Variants in NTF3 observed in about 807,000 individuals in gnomAD.
The protein encoded by NTF3 is neurotrophin 3, also known as neurotrophin-3.
Under a neutral mutation model 26.3 loss-of-function variants are expected in NTF3, and 8 were observed. That is an observed-to-expected ratio of 0.30 (90% CI 0.18 to 0.55). The LOEUF (loss-of-function observed/expected upper bound fraction) is 0.55. NTF3 is among the 20% of genes least tolerant of loss of function. The pLI, the probability that NTF3 is intolerant of heterozygous loss-of-function variation, is 0.93. For synonymous variants in NTF3, 154 were observed against 145.5 expected (o/e 1.06, Z -0.42); for missense variants, 276 against 352.9 (o/e 0.78, Z 1.75).
At position 5,494,403 on chromosome 12, in the gene NTF3, G is replaced by C. The variant is rs1475166969; in HGVS notation, c.228G>C (p.Leu76=). The C allele has an allele frequency of 1.2e-6, 2 of 1,613,728 alleles. No individual in the cohort carries two copies. Among genetic ancestry groups the C allele is most frequent in the Middle Eastern group, 1.6e-4 (1 of 6,062 alleles). The stretch of plus-strand genomic sequence containing the variant: ...TTAAGGAAAATTACCAGAGCACCCT[G>C]CCCAAAGCTGAGGCTCCCCGAGAGC... ...VDVKENYQST[L]PKAEAPREPE... Residue 76 remains leucine (L), a synonymous_variant, in exon 2 of 2, where the codon CTG becomes CTC. Transcript: ENST00000423158. The surrounding 1 kb of genome is among the most constrained non-coding windows in gnomAD (Gnocchi z 8.3).
intron 1 of NTF3, among the ~76,000 whole-genome samples, chr12:5,479,568 G>A (rs550574285): frequency 1.5e-4 from 23 of 152,292 alleles, no homozygotes; most frequent in African/African-American, 2.9e-4. Context: ...ATCAGGAGTC[G>A]GGAAGCAGGG....
At chr12:5,447,534 A>G (rs751893389) in intron 1 of NTF3, among the ~76,000 whole-genome samples, 1 of 152,204 alleles carries the variant, frequency 6.6e-6, no homozygotes, top group Non-Finnish European at 1.5e-5. Context: ...TCTGTCAATC[A>G]CTGTACGCAC....
At chr12:5,446,892 C>T (rs549213845) in intron 1 of NTF3, among the ~76,000 whole-genome samples, 13 of 152,322 alleles carry the variant, frequency 8.5e-5, no homozygotes, top group Non-Finnish European at 1.3e-4. Context: ...GAATGAGCCA[C>T]GCCGACCTGA....
chr12:5,480,944 C>A (rs1267477399), intron 1 of NTF3, among the ~76,000 whole-genome samples: 1 of 152,098 alleles, frequency 6.6e-6, no homozygotes, highest in Non-Finnish European at 1.5e-5. Flanking sequence ...ACGGCTTCTC[C>A]CCTGCCTGTC....
At chr12:5,440,588 G>A (rs1591591222) in intron 1 of NTF3, among the ~76,000 whole-genome samples, 1 of 152,196 alleles carries the variant, frequency 6.6e-6, no homozygotes, top group Non-Finnish European at 1.5e-5. Context: ...TTCCCAACAG[G>A]TGTGTCCCAT....
chr12:5,465,679 G>A (rs1591599656), intron 1 of NTF3, among the ~76,000 whole-genome samples: 2 of 152,330 alleles, frequency 1.3e-5, no homozygotes, highest in South Asian at 2.1e-4. Flanking sequence ...TGATGGCCAC[G>A]CAAGGCTTTC....
intron 1 of NTF3, among the ~76,000 whole-genome samples, chr12:5,449,263 G>C (rs111493270): frequency 6.6e-6 from 1 of 152,188 alleles, no homozygotes; most frequent in African/African-American, 2.4e-5. Context: ...TACACAGAGC[G>C]TTAATAGGAG....
At chr12:5,462,792 G>C (rs1481613273) in intron 1 of NTF3, among the ~76,000 whole-genome samples, 1 of 152,226 alleles carries the variant, frequency 6.6e-6, no homozygotes, top group African/African-American at 2.4e-5. Context: ...TAACACCCAT[G>C]TATTATGACA....
At chr12:5,432,093 G>A, upstream of NTF3, 1 of 595,512 alleles carries the variant, frequency 1.7e-6, no homozygotes, top group Non-Finnish European at 3.1e-6. Context: ...TAACCGCGCA[G>A]ATTCTGTTCA....
intron 1 of NTF3, among the ~76,000 whole-genome samples, chr12:5,490,366 C>T (rs963780354): frequency 6.6e-6 from 1 of 152,228 alleles, no homozygotes; most frequent in African/African-American, 2.4e-5. Flanking sequence ...ATGGAAAGGA[C>T]ATGGTCCCTG....
chr12:5,466,600 G>A (rs915404707), intron 1 of NTF3, among the ~76,000 whole-genome samples: 3 of 152,324 alleles, frequency 2.0e-5, no homozygotes, highest in African/African-American at 7.2e-5. Flanking sequence ...AGGGATAAGA[G>A]GGGAAATGGG....
intron 1 of NTF3, among the ~76,000 whole-genome samples, chr12:5,451,033 T>C (rs935161681): frequency 6.6e-6 from 1 of 152,222 alleles, no homozygotes; most frequent in African/African-American, 2.4e-5. Context: ...CCCTAACCAC[T>C]ATCCCACACT....
chr12:5,452,330 C>T (rs1034150368), intron 1 of NTF3, among the ~76,000 whole-genome samples: 6 of 150,548 alleles, frequency 4.0e-5, no homozygotes, highest in Admixed American at 1.3e-4. Flanking sequence ...CTCTTGACCT[C>T]GTGATCCACC....
intron 1 of NTF3, among the ~76,000 whole-genome samples, chr12:5,467,993 A>C (rs1940614051): frequency 1.3e-5 from 2 of 148,154 alleles, no homozygotes; most frequent in Admixed American, 6.7e-5. Context: ...CTGCCCCTCC[A>C]CCCCCCACAT....
At position 5,491,498 on chromosome 12, in the gene NTF3, G is replaced by C. The variant is rs530654798; in HGVS notation, c.19-2696G>C. Among the ~76,000 whole-genome samples the C allele has an allele frequency of 2.0e-5, 3 of 152,270 alleles. No individual in the cohort carries two copies. In the South Asian group the frequency reaches 6.2e-4, roughly 32 times the overall value. On this transcript the variant is annotated intron_variant, in intron 1 of 1. Coordinates refer to ENST00000423158, the MANE Select transcript of NTF3 (RefSeq NM_001102654.2). ...TGGCAGGTGCTATCGTTGGGATCTT[G>C]GGGGAGCATTGTAGAAAGGTCAGCT...
At chr12:5,482,169 C>T (rs989825743) in intron 1 of NTF3, among the ~76,000 whole-genome samples, 17 of 151,978 alleles carry the variant, frequency 1.1e-4, no homozygotes, top group African/African-American at 3.9e-4. Context: ...CATGCGTACA[C>T]GAGCGCGCAC....
At chr12:5,461,290 G>A (rs1277664050) in intron 1 of NTF3, among the ~76,000 whole-genome samples, 1 of 152,146 alleles carries the variant, frequency 6.6e-6, no homozygotes, top group Non-Finnish European at 1.5e-5. Flanking sequence ...AGGAGGCCCT[G>A]GGTAGGATCT....
At chr12:5,434,308 G>A (rs537108814) in intron 1 of NTF3, among the ~76,000 whole-genome samples, 131 of 152,310 alleles carry the variant, frequency 8.6e-4, no homozygotes, top group Admixed American at 2.4e-3. Context: ...AGAAAGTCTG[G>A]GGTATTTCCC....
chr12:5,491,754 C>T (rs1426162442), intron 1 of NTF3, among the ~76,000 whole-genome samples: 5 of 125,090 alleles, frequency 4.0e-5, no homozygotes, highest in African/African-American at 1.2e-4. Flanking sequence ...GAGTCTTGCT[C>T]TGTCGCCCAG....
Sources: gnomAD v4.1 joint callset for allele counts (sites outside exome capture counted in the v4.1 genomes callset) on GRCh38, gnomAD v4.1.1 for gene constraint, Gnocchi (gnomAD v3.1) non-coding constraint, MANE v1.5 for transcripts, NCBI Gene and HGNC (gene_info 2026-07-23, HGNC 2026-07-21) for gene names.